C8orf88: variants seen among roughly 807,000 people sequenced by gnomAD.
C8orf88 encodes the protein chromosome 8 open reading frame 88.
In C8orf88, 14 loss-of-function variants were observed where a neutral mutation model predicts 18.4. The ratio of observed to expected loss-of-function variants is 0.76; its 90% CI spans 0.50 to 1.19. The LOEUF (loss-of-function observed/expected upper bound fraction) is 1.19, where lower values mean the gene tolerates loss of function less well. Among genes scored for constraint, C8orf88 ranks in the 50% most tolerant of loss-of-function variants. The pLI is 0.00. For missense variants in C8orf88, 116 were observed against 134.7 expected (o/e 0.86, Z 0.69); for synonymous variants, 45 against 42.9 (o/e 1.05, Z -0.19).
intron 4 of C8orf88, among the ~76,000 whole-genome samples, chr8:90,962,997 C>T (rs191324764): frequency 6.6e-6 from 1 of 151,586 alleles, no homozygotes; most frequent in Non-Finnish European, 1.5e-5. Context: ...CAAAGCTAGG[C>T]TCATGTTCAC....
intron 4 of C8orf88, among the ~76,000 whole-genome samples, chr8:90,961,117 T>C (rs1811121108): frequency 6.6e-6 from 1 of 151,398 alleles, no homozygotes; most frequent in South Asian, 2.1e-4. Flanking sequence ...CATCTGGTTA[T>C]TCAGGTCTAG....
chr8:90,960,203 AAC>A (rs937957227), intron 5 of C8orf88, among the ~76,000 whole-genome samples: 4 of 151,534 alleles, frequency 2.6e-5, no homozygotes, highest in African/African-American at 7.2e-5. Context: ...TTGATAAGGT[AAC>A]ACAGAAATAT....
chr8:90,971,323 C>T (rs1811280436), intron 3 of C8orf88, among the ~76,000 whole-genome samples, 182 bp from the exon 4 acceptor site: 2 of 151,424 alleles, frequency 1.3e-5, no homozygotes, highest in African/African-American at 4.9e-5. Context: ...AATATATTCA[C>T]ATATATCTAC....
intron 1 of C8orf88, among the ~76,000 whole-genome samples, chr8:90,983,492 T>G (rs546777827): frequency 1.3e-5 from 2 of 152,276 alleles, no homozygotes. Flanking sequence ...TACCTAAGTA[T>G]GAATCTTCAG....
chr8:90,980,876 A>G (rs1051182047), intron 1 of C8orf88, among the ~76,000 whole-genome samples: 1 of 151,986 alleles, frequency 6.6e-6, no homozygotes, highest in Non-Finnish European at 1.5e-5. Context: ...TTTTTTAAAG[A>G]TGGGGTCTCA....
intron 1 of C8orf88, among the ~76,000 whole-genome samples, chr8:90,981,132 T>C (rs1425976203): frequency 6.6e-6 from 1 of 152,194 alleles, no homozygotes; most frequent in Non-Finnish European, 1.5e-5. Flanking sequence ...TCTAATAATA[T>C]TTCAATTTAT....
chr8:90,978,149 T>G (rs1289034681), intron 3 of C8orf88, among the ~76,000 whole-genome samples: 2 of 152,144 alleles, frequency 1.3e-5, no homozygotes, highest in Admixed American at 1.3e-4. Flanking sequence ...TTGTGACTAA[T>G]TTACTTAGTC....
At chr8:90,971,528 A>G (rs1360314099) in intron 3 of C8orf88, among the ~76,000 whole-genome samples, 2 of 152,068 alleles carry the variant, frequency 1.3e-5, no homozygotes, top group Non-Finnish European at 2.9e-5. Flanking sequence ...TAGAGTATTT[A>G]CTTTTTTAAT....
At chr8:90,979,480 A>T (rs967413566) in intron 2 of C8orf88, among the ~76,000 whole-genome samples, 1 of 152,232 alleles carries the variant, frequency 6.6e-6, no homozygotes, top group African/African-American at 2.4e-5. Context: ...AGCTGACATA[A>T]GTCACAGGCA....
intron 3 of C8orf88, among the ~76,000 whole-genome samples, chr8:90,976,015 A>T (rs1327914627): frequency 6.6e-6 from 1 of 152,058 alleles, no homozygotes; most frequent in Non-Finnish European, 1.5e-5. Flanking sequence ...AGCACCAAGG[A>T]ATATACATGA....
chr8:90,964,930 C>A (rs1469475384), intron 4 of C8orf88, among the ~76,000 whole-genome samples: 1 of 151,014 alleles, frequency 6.6e-6, no homozygotes, highest in Non-Finnish European at 1.5e-5. Flanking sequence ...TAGAAAATAT[C>A]TATTAAACAC....
chr8:90,981,730 T>C (rs1455289429), intron 1 of C8orf88, among the ~76,000 whole-genome samples: 1 of 152,138 alleles, frequency 6.6e-6, no homozygotes, highest in African/African-American at 2.4e-5. Context: ...GCAACATAGA[T>C]TTATTAAATA....
At chr8:90,964,198 T>C (rs1459312271) in intron 4 of C8orf88, among the ~76,000 whole-genome samples, 1 of 151,690 alleles carries the variant, frequency 6.6e-6, no homozygotes, top group Non-Finnish European at 1.5e-5. Flanking sequence ...AGCATCTATC[T>C]GTATAATAAA....
At chr8:90,976,638 GAATA>G (rs879881420) in intron 3 of C8orf88, among the ~76,000 whole-genome samples, 1 of 151,780 alleles carries the variant, frequency 6.6e-6, no homozygotes, top group Non-Finnish European at 1.5e-5. Flanking sequence ...CACTAGAACA[GAATA>G]AAGAGCCCAG....
chr8:90,962,416 A>G (rs1386360346), intron 4 of C8orf88, among the ~76,000 whole-genome samples: 3 of 151,604 alleles, frequency 2.0e-5, no homozygotes, highest in African/African-American at 7.3e-5. Context: ...GAACTCTAAA[A>G]GTCTTTCACT....
At chr8:90,967,631 G>C (rs1811220863) in intron 4 of C8orf88, among the ~76,000 whole-genome samples, 1 of 151,594 alleles carries the variant, frequency 6.6e-6, no homozygotes, top group Non-Finnish European at 1.5e-5. Context: ...ATTTCTTCTT[G>C]AGTTAGTTTT....
intron 4 of C8orf88, among the ~76,000 whole-genome samples, chr8:90,964,258 C>A (rs1811164998): frequency 6.6e-6 from 1 of 151,632 alleles, no homozygotes; most frequent in South Asian, 2.1e-4. Context: ...CAATGAAAAT[C>A]TTGAGGTCAG....
At chr8:90,971,733 T>C (rs895930288) in intron 3 of C8orf88, among the ~76,000 whole-genome samples, 3 of 147,950 alleles carry the variant, frequency 2.0e-5, no homozygotes, top group South Asian at 4.3e-4. Context: ...ACCATCTTTA[T>C]GATAAGATTG....
At chr8:90,960,934 C>T in intron 4 of C8orf88, 86 bp from the exon 5 acceptor site, 1 of 655,178 alleles carries the variant, frequency 1.5e-6, no homozygotes, top group Non-Finnish European at 2.6e-6. Context: ...TGGATGTCCT[C>T]TATTCATTAT....
Sources: gnomAD v4.1 joint callset for allele counts (sites outside exome capture counted in the v4.1 genomes callset) on GRCh38, gnomAD v4.1.1 for gene constraint, MANE v1.5 for transcripts, NCBI Gene and HGNC (gene_info 2026-07-23, HGNC 2026-07-21) for gene names.